Variants in TNIK observed in about 807,000 individuals in gnomAD.
The protein encoded by TNIK is TRAF2 and NCK-interacting protein kinase.
TNIK carries 49 observed loss-of-function variants against 191.3 expected under a neutral mutation model. The observed-to-expected ratio is 0.26, with a 90% CI of 0.20 to 0.32. The LOEUF (loss-of-function observed/expected upper bound fraction) is 0.32, where lower values mean the gene tolerates loss of function less well. TNIK is among the 10% of genes least tolerant of loss of function. The pLI, the probability that TNIK is intolerant of heterozygous loss-of-function variation, is 1.00. For synonymous variants in TNIK, 594 were observed against 600.9 expected (o/e 0.99, Z 0.17); for missense variants, 1,155 against 1,702.3 (o/e 0.68, Z 5.66).
At chr3:171,438,270 T>TTAAG (rs35701912) in intron 1 of TNIK, among the ~76,000 whole-genome samples, 25,972 of 152,090 alleles carry the variant, frequency 0.17, 2,813 homozygotes, top group Non-Finnish European at 0.24. Context: ...AATGCAAGCA[T>TTAAG]TAAGACCCAC....
intron 1 of TNIK, among the ~76,000 whole-genome samples, chr3:171,415,973 C>CAAAAAAAAAAAAAAAAAAAAAA (rs769531813): frequency 7.9e-5 from 1 of 12,588 alleles, no homozygotes; most frequent in Non-Finnish European, 1.3e-4. Flanking sequence ...GAGACTGTCT[C>CAAAAAAAAAAAAAAAAAAAAAA]AAAAAAAAAA....
At chr3:171,305,103 G>C (rs1347059933) in intron 2 of TNIK, among the ~76,000 whole-genome samples, 1 of 148,766 alleles carries the variant, frequency 6.7e-6, no homozygotes, top group African/African-American at 2.5e-5. Context: ...AGCTTTAAGT[G>C]AGAAGGGTGC....
chr3:171,387,963 T>C (rs1481919920), intron 1 of TNIK, among the ~76,000 whole-genome samples: 2 of 138,964 alleles, frequency 1.4e-5, no homozygotes, highest in Non-Finnish European at 3.1e-5. Flanking sequence ...CAGAAAAATA[T>C]AGGTGAGCAA....
At chr3:171,324,291 A>G (rs1276758599) in intron 2 of TNIK, among the ~76,000 whole-genome samples, 2 of 152,120 alleles carry the variant, frequency 1.3e-5, no homozygotes, top group African/African-American at 2.4e-5. Flanking sequence ...CTCTGTGAGG[A>G]CATTTAAATT....
rs151255774 is a variant in TNIK, at chr3:171,402,552, G to A, written c.58-32867C>T. 2.4e-3 allele frequency among the ~76,000 whole-genome samples: 369 copies of A among 152,254 alleles called. 3 individuals are homozygous for A. Among genetic ancestry groups the A allele is most frequent in the African/African-American group, 8.4e-3 (349 of 41,512 alleles). On this transcript the variant is annotated intron_variant, in intron 1 of 32. Transcript: ENST00000436636. Reference sequence around the variant, plus strand: ...ATACTGCTATTATTGTTAATAAAGTGTGAAAATTTTTTCCTTCATAGATTG... The same window carrying A: ...ATACTGCTATTATTGTTAATAAAGTATGAAAATTTTTTCCTTCATAGATTG...
intron 2 of TNIK, among the ~76,000 whole-genome samples, chr3:171,306,918 C>T (rs969853947): frequency 2.6e-5 from 4 of 151,986 alleles, no homozygotes; most frequent in African/African-American, 9.7e-5. Flanking sequence ...CAGCCAGCAG[C>T]GATGGGAACT....
chr3:171,219,206 C>G (rs1003990241), intron 3 of TNIK, among the ~76,000 whole-genome samples: 5 of 118,462 alleles, frequency 4.2e-5, no homozygotes, highest in Non-Finnish European at 4.9e-5. Context: ...ACCCAGCAAA[C>G]CCATTACTAA....
At chr3:171,313,938 G>A (rs1172648047) in intron 2 of TNIK, among the ~76,000 whole-genome samples, 5 of 152,098 alleles carry the variant, frequency 3.3e-5, no homozygotes, top group East Asian at 3.9e-4. Flanking sequence ...AGTCGTTGCC[G>A]GAATGGGCTA....
intron 2 of TNIK, among the ~76,000 whole-genome samples, chr3:171,273,318 G>C (rs1364023943): frequency 6.6e-6 from 1 of 152,202 alleles, no homozygotes; most frequent in South Asian, 2.1e-4. Flanking sequence ...AGGCCTTCCT[G>C]GTTCTGGGCT....
intron 4 of TNIK, among the ~76,000 whole-genome samples, chr3:171,202,694 C>T (rs1739563165): frequency 6.6e-6 from 1 of 152,190 alleles, no homozygotes; most frequent in African/African-American, 2.4e-5. Flanking sequence ...TCTATTAAAG[C>T]TCAACACACA....
At chr3:171,067,283 A>AT (rs1718560948) in intron 30 of TNIK, among the ~76,000 whole-genome samples, 2 of 152,126 alleles carry the variant, frequency 1.3e-5, no homozygotes, top group Non-Finnish European at 2.9e-5. Flanking sequence ...TGTGAAAAAA[A>AT]AATATATATA....
At chr3:171,158,087 C>T (rs1022689929) in intron 11 of TNIK, among the ~76,000 whole-genome samples, 3 of 152,190 alleles carry the variant, frequency 2.0e-5, no homozygotes, top group African/African-American at 4.8e-5. Flanking sequence ...AAGCACAGAT[C>T]GGCCTCACCC....
rs934255759 is a variant in TNIK at position 171,366,933 on chromosome 3, T to C, written c.123+2687A>G. ...TTTACTGGGCACTGATTCTCTCTCC[T>C]GCCACCCTGTGAAGAGGTGGCTTCT... is the stretch of plus-strand genomic sequence containing the variant. On this transcript the variant is annotated intron_variant, in intron 2 of 32. Coordinates refer to ENST00000436636, the MANE Select transcript of TNIK (RefSeq NM_015028.4). This position sits in a 1 kb window ranked among gnomAD's most constrained non-coding sequence, Gnocchi z 4.1. 2.6e-5 allele frequency among the ~76,000 whole-genome samples: 4 copies of C among 152,220 alleles called. No homozygotes were observed. Among genetic ancestry groups the C allele is most frequent in the Admixed American group, 6.5e-5 (1 of 15,282 alleles).
intron 12 of TNIK, among the ~76,000 whole-genome samples, chr3:171,156,761 G>T (rs1039364692): frequency 1.3e-5 from 2 of 152,208 alleles, no homozygotes; most frequent in Non-Finnish European, 2.9e-5. Context: ...GGCAGGTCTT[G>T]CCCACAGGCT....
chr3:171,356,007 G>A (rs975838108), intron 2 of TNIK, among the ~76,000 whole-genome samples: 2 of 152,050 alleles, frequency 1.3e-5, no homozygotes, highest in African/African-American at 4.8e-5. Context: ...CCCCCTGCTT[G>A]GAATAGAGGA....
intron 15 of TNIK, among the ~76,000 whole-genome samples, chr3:171,131,499 TATTAA>T (rs1729285525): frequency 6.6e-6 from 1 of 152,158 alleles, no homozygotes; most frequent in African/African-American, 2.4e-5. Context: ...ACAGTTTACA[TATTAA>T]ATTCTATCAT....
At position 171,138,322 on chromosome 3, in the gene TNIK, G is replaced by A; in HGVS notation, c.1477C>T (p.Leu493=). The part of the protein sequence containing the change: ...QRQAERLQRQ[L]KQERDYLVSL... ...ACTAAGTAGTCTCTTTCTTGCTTTA[G>A]CTGCCTCTGCAGTCTTTCTGCTTGT... Residue 493 remains leucine (L), a synonymous_variant, in exon 15 of 33, where the codon CTA becomes TTA. Coordinates refer to ENST00000436636, the MANE Select transcript of TNIK (RefSeq NM_015028.4). 1 of 1,612,800 alleles carries A rather than the reference G, an allele frequency of 6.2e-7. No homozygotes were observed. The highest frequency in any genetic ancestry group is 2.2e-5 in the East Asian group (1 of 44,812).
chr3:171,251,738 C>A (rs979803447), intron 2 of TNIK, among the ~76,000 whole-genome samples: 7 of 152,142 alleles, frequency 4.6e-5, no homozygotes, highest in African/African-American at 1.4e-4. Context: ...GCACTAATAC[C>A]ATTGATGTTT....
At chr3:171,311,233 C>T (rs1443681686) in intron 2 of TNIK, among the ~76,000 whole-genome samples, 1 of 152,108 alleles carries the variant, frequency 6.6e-6, no homozygotes, top group African/African-American at 2.4e-5. Context: ...ATGATGAGAA[C>T]CTTTTTCACT....
Sources: allele counts gnomAD v4.1 joint callset (sites outside exome capture counted in the v4.1 genomes callset), GRCh38; gene constraint gnomAD v4.1.1; non-coding constraint Gnocchi (gnomAD v3.1); transcripts MANE v1.5; gene names NCBI Gene and HGNC (gene_info 2026-07-23, HGNC 2026-07-21).